TTC27: variants seen among roughly 807,000 people sequenced by gnomAD.
TTC27 encodes the protein tetratricopeptide repeat domain 27.
Under a neutral mutation model 115.9 loss-of-function variants are expected in TTC27, and 79 were observed. That is an observed-to-expected ratio of 0.68 (90% CI 0.57 to 0.82). TTC27 has a LOEUF of 0.82. TTC27 is among the 40% of genes least tolerant of loss of function. The pLI, the probability that TTC27 is intolerant of heterozygous loss-of-function variation, is 0.00. For synonymous variants in TTC27, 401 were observed against 356.0 expected, an observed-to-expected ratio of 1.13 and a Z score of -1.42; for missense variants, 1,054 against 993.1, an observed-to-expected ratio of 1.06 and a Z score of -0.82.
intron 5 of TTC27, 126 bp downstream of exon 5, chr2:32,650,359 T>A: frequency 2.4e-6 from 1 of 418,752 alleles, no homozygotes. Flanking sequence ...GTTTCTTTTT[T>A]TTTTTTTTTT....
rs529815928 is a variant in TTC27, at chr2:32,736,598, A to G, written c.1330-96A>G. 10 of 1,327,724 alleles carry G rather than the reference A, an allele frequency of 7.5e-6. No individual in the cohort carries two copies. The African/African-American group carries it at 1.3e-4, about 17-fold the overall frequency. The allele number at this position is 1,327,724 out of a possible 1,614,324, so 82.2% of individuals were successfully genotyped here. A position where few individuals can be genotyped will look rare whatever the true frequency, so the allele number is the denominator to read the frequency against. On this transcript the variant is annotated intron_variant, in intron 11 of 19. Transcript: ENST00000317907. ...AATTTATACATTTATTACAATAAGC[A>G]GACCCCTAAAAAGGCAGATTAGGTA...
chr2:32,745,689 A>G (rs953905673), intron 12 of TTC27, among the ~76,000 whole-genome samples: 1 of 152,120 alleles, frequency 6.6e-6, no homozygotes, highest in Non-Finnish European at 1.5e-5. Context: ...ATAATAATAA[A>G]TAAATATTTT....
At chr2:32,684,226 C>A (rs1396572200) in intron 9 of TTC27, among the ~76,000 whole-genome samples, 1 of 152,074 alleles carries the variant, frequency 6.6e-6, no homozygotes, top group East Asian at 1.9e-4. Context: ...TTTCCAATTT[C>A]ATCCATGTCC....
intron 5 of TTC27, among the ~76,000 whole-genome samples, chr2:32,657,939 C>G (rs1454054162): frequency 1.3e-5 from 2 of 152,342 alleles, no homozygotes; most frequent in East Asian, 3.9e-4. Context: ...AAGTGATTCT[C>G]CAGCCTCAGC....
intron 18 of TTC27, among the ~76,000 whole-genome samples, chr2:32,815,925 C>A (rs1313913591): frequency 6.6e-6 from 1 of 152,120 alleles, no homozygotes; most frequent in Non-Finnish European, 1.5e-5. Flanking sequence ...AATGTCAAAC[C>A]TAGTTCTTGC....
intron 5 of TTC27, among the ~76,000 whole-genome samples, chr2:32,657,346 T>C (rs1040734009): frequency 1.3e-5 from 2 of 149,554 alleles, no homozygotes; most frequent in African/African-American, 2.5e-5. Context: ...AGAAAAACAC[T>C]GTCTTTCTTT....
At chr2:32,640,157 A>T in intron 3 of TTC27, 113 bp from the exon 4 acceptor site, 1 of 975,852 alleles carries the variant, frequency 1.0e-6, no homozygotes, top group Non-Finnish European at 1.5e-6. Context: ...GTAATATATT[A>T]ATGCTTTTGT....
chr2:32,656,664 G>A (rs189387419), intron 5 of TTC27, among the ~76,000 whole-genome samples: 2 of 152,186 alleles, frequency 1.3e-5, no homozygotes, highest in East Asian at 3.9e-4. Context: ...ATAGGTGCTG[G>A]GCCTATACCA....
chr2:32,812,494 C>T lies in TTC27; in HGVS notation c.2197-10C>T, dbSNP rs774007922. 8 of 1,591,902 alleles carry T rather than the reference C, an allele frequency of 5.0e-6. No homozygotes were observed. Among genetic ancestry groups the T allele is most frequent in the Non-Finnish European group, 6.9e-6 (8 of 1,161,202 alleles). ...TGTTATTCTGAATGTTGTTCTTTCT[C>T]CTTCCTCAGGCATTCCAGTGCCTCT... On this transcript the variant is annotated splice_polypyrimidine_tract_variant and intron_variant, in intron 17 of 19. Coordinates refer to ENST00000317907, the MANE Select transcript of TTC27 (RefSeq NM_017735.5).
chr2:32,711,776 C>T (rs1308209518), intron 10 of TTC27, among the ~76,000 whole-genome samples: 3 of 152,016 alleles, frequency 2.0e-5, no homozygotes, highest in Non-Finnish European at 4.4e-5. Context: ...CTTGTCTCTA[C>T]TAAAAATACA....
At chr2:32,766,773 A>C (rs1055318699) in intron 13 of TTC27, among the ~76,000 whole-genome samples, 1 of 152,064 alleles carries the variant, frequency 6.6e-6, no homozygotes, top group African/African-American at 2.4e-5. Flanking sequence ...ACTTCACCTC[A>C]TATTGCTTTA....
chr2:32,702,797 C>G lies in TTC27; in HGVS notation c.1120-10C>G. 2 of 1,589,772 alleles carry G rather than the reference C, an allele frequency of 1.3e-6. No homozygotes were observed. The highest frequency in any genetic ancestry group is 8.6e-7 in the Non-Finnish European group (1 of 1,159,608). Reference sequence around the variant, plus strand: ...CTTTTCTATGATTTTTTTCTTCCCGCTTCTATCAGTGTTTGCTTTCACAAC... The same window carrying G: ...CTTTTCTATGATTTTTTTCTTCCCGGTTCTATCAGTGTTTGCTTTCACAAC... On this transcript the variant is annotated splice_polypyrimidine_tract_variant and intron_variant, in intron 9 of 19. Coordinates refer to ENST00000317907, the MANE Select transcript of TTC27 (RefSeq NM_017735.5).
At chr2:32,657,202 G>T (rs1414225990) in intron 5 of TTC27, among the ~76,000 whole-genome samples, 4 of 151,736 alleles carry the variant, frequency 2.6e-5, no homozygotes, top group Admixed American at 6.6e-5. Context: ...AGCCAGGATG[G>T]TCTCGATCTC....
At chr2:32,635,802 T>TA (rs1199817244) in intron 3 of TTC27, among the ~76,000 whole-genome samples, 2 of 152,156 alleles carry the variant, frequency 1.3e-5, no homozygotes, top group Non-Finnish European at 2.9e-5. Flanking sequence ...AAAACAAGCA[T>TA]AAAGTGAAAA....
rs561746232 is a variant in TTC27 at position 32,810,279 on chromosome 2, C to T, written c.1999-745C>T. On this transcript the variant is annotated intron_variant, in intron 16 of 19. Transcript: ENST00000317907. The stretch of plus-strand genomic sequence containing the variant: ...GGAGTTAGAAGGTTATTATAGCAGC[C>T]CAGATGGAAGTTAATGAGGCCTGAA... Among the ~76,000 whole-genome samples, 3 of 152,142 alleles carry T rather than the reference C, an allele frequency of 2.0e-5. No individual in the cohort carries two copies. In the South Asian group the frequency reaches 6.2e-4, roughly 32 times the overall value.
intron 12 of TTC27, among the ~76,000 whole-genome samples, chr2:32,755,034 G>A (rs187592601): frequency 0.012 from 1,780 of 151,736 alleles, 33 homozygotes; most frequent in African/African-American, 0.04. Flanking sequence ...GGCGGCTGCC[G>A]GGTGGAGGGT....
At chr2:32,786,924 G>A in intron 15 of TTC27, 60 bp from the exon 16 acceptor site, 1 of 1,393,056 alleles carries the variant, frequency 7.2e-7, no homozygotes, top group Non-Finnish European at 9.8e-7. Flanking sequence ...ATTTAGCTAT[G>A]CTTTATTCTA....
At chr2:32,719,257 C>T (rs1654272213) in intron 10 of TTC27, among the ~76,000 whole-genome samples, 1 of 152,124 alleles carries the variant, frequency 6.6e-6, no homozygotes, top group African/African-American at 2.4e-5. Flanking sequence ...AGATGGTGCA[C>T]TCAGGGAGGC....
intron 4 of TTC27, among the ~76,000 whole-genome samples, chr2:32,641,704 G>A (rs1257999489): frequency 6.6e-6 from 1 of 151,982 alleles, no homozygotes; most frequent in African/African-American, 2.4e-5. Flanking sequence ...TCGAGATGGA[G>A]TTTCACTCTT....
Sources: gnomAD v4.1 joint callset for allele counts (sites outside exome capture counted in the v4.1 genomes callset) on GRCh38, gnomAD v4.1.1 for gene constraint, MANE v1.5 for transcripts, NCBI Gene and HGNC (gene_info 2026-07-23, HGNC 2026-07-21) for gene names.